The following LRP12 variants were observed in gnomAD, a reference collection of about 807,000 sequenced individuals.
LRP12 encodes LDL receptor related protein 12, also known as low-density lipoprotein receptor-related protein 12.
In LRP12, 14 loss-of-function variants were observed where a neutral mutation model predicts 66.0. The ratio of observed to expected loss-of-function variants is 0.21; its 90% CI spans 0.14 to 0.33. LRP12 has a LOEUF of 0.33. Among genes scored for constraint, LRP12 ranks in the 10% least tolerant of loss-of-function variants. LRP12 has a pLI of 1.00. For synonymous variants in LRP12, 357 were observed against 359.1 expected (o/e 0.99, Z 0.07); for missense variants, 889 against 1,053.4 (o/e 0.84, Z 2.16).
intron 6 of LRP12, 121 bp downstream of exon 6, chr8:104,494,956 C>T: frequency 1.3e-6 from 1 of 775,026 alleles, no homozygotes; most frequent in South Asian, 2.4e-5. Context: ...TCAAATCTTC[C>T]ATACATTTAA....
At position 104,527,733 on chromosome 8, in the gene LRP12, A is replaced by G. The variant is rs547934254; in HGVS notation, c.136+4174T>C. 2.0e-5 allele frequency among the ~76,000 whole-genome samples: 3 copies of G among 152,282 alleles called. No individual in the cohort carries two copies. In the East Asian group the frequency reaches 5.8e-4, roughly 29 times the overall value. On this transcript the variant is annotated intron_variant, in intron 2 of 6. Coordinates refer to ENST00000276654, the MANE Select transcript of LRP12 (RefSeq NM_013437.5). ...GCATTAGGAGATATATCTAATGCTAAATGACGAGTTAATGGGTGCAGCACA... is the reference window on the plus strand; with the variant it reads ...GCATTAGGAGATATATCTAATGCTAGATGACGAGTTAATGGGTGCAGCACA...
At position 104,513,675 on chromosome 8, in the gene LRP12, C is replaced by A. The variant is rs897067071; in HGVS notation, c.137-4601G>T. ...TACTACCCAGACTTTGTGGACATCA[C>A]CTCCTCTAATTCTCCTTCTAACTCT... is the stretch of plus-strand genomic sequence containing the variant. On this transcript the variant is annotated intron_variant, in intron 2 of 6. Transcript: ENST00000276654. Among the ~76,000 whole-genome samples, 3 of 152,226 alleles carry A rather than the reference C, an allele frequency of 2.0e-5. No homozygotes were observed. The South Asian group carries it at 6.2e-4, about 32-fold the overall frequency.
At chr8:104,526,392 G>T (rs1457366454) in intron 2 of LRP12, among the ~76,000 whole-genome samples, 2 of 151,160 alleles carry the variant, frequency 1.3e-5, no homozygotes, top group Non-Finnish European at 3.0e-5. Context: ...TAAGCCAAAA[G>T]AACAAAGCTG....
At chr8:104,554,677 A>G (rs762186489) in intron 1 of LRP12, among the ~76,000 whole-genome samples, 1 of 152,192 alleles carries the variant, frequency 6.6e-6, no homozygotes, top group Non-Finnish European at 1.5e-5. Flanking sequence ...GGAAGAATAG[A>G]AATCTGAAAG....
intron 1 of LRP12, among the ~76,000 whole-genome samples, chr8:104,543,474 T>C (rs1811509552): frequency 6.6e-6 from 1 of 152,222 alleles, no homozygotes; most frequent in Non-Finnish European, 1.5e-5. Flanking sequence ...GTGTGTGTTC[T>C]GATTGTTCCA....
chr8:104,547,939 G>C (rs1323631945), intron 1 of LRP12, among the ~76,000 whole-genome samples: 1 of 123,350 alleles, frequency 8.1e-6, no homozygotes, highest in Non-Finnish European at 1.6e-5. Flanking sequence ...ACAATTCAAT[G>C]TTATATTTTG....
intron 1 of LRP12, chr8:104,566,333 T>G (rs112662178): frequency 8.4e-6 from 2 of 238,940 alleles, no homozygotes; most frequent in Non-Finnish European, 1.6e-5. Context: ...ATTCCTCAGG[T>G]TGAAGATTAA....
At position 104,497,970 on chromosome 8, in the gene LRP12, A is replaced by T; in HGVS notation, c.582T>A (p.Ser194Arg). ...CTTTGGCACAGATCTCTTCATCGGA[A>T]CTATCTCCACATTCATCCATGTTAT... ...KCNNMDECGDSSDEEICAKEA... is the reference protein window; with the variant it reads ...KCNNMDECGDRSDEEICAKEA... The change falls in exon 5 of 7, where the codon AGT (serine) becomes AGA (arginine). Residue 194 changes from serine to arginine, a missense_variant. By Grantham distance (110) the Ser-to-Arg change is moderately radical (BLOSUM62 -1). This residue lies in a region of LRP12 where 800 missense variants were observed against 964.5 expected (regional missense o/e 0.83). Coordinates refer to ENST00000276654, the MANE Select transcript of LRP12 (RefSeq NM_013437.5). This position sits in a 1 kb window ranked among gnomAD's most constrained non-coding sequence, Gnocchi z 4.3. The T allele has an allele frequency of 6.2e-7, 1 of 1,614,176 alleles. No individual in the cohort carries two copies. Among genetic ancestry groups the T allele is most frequent in the Non-Finnish European group, 8.5e-7 (1 of 1,180,014 alleles).
In LRP12 at chr8:104,569,549, T is replaced by C. The variant is rs1588508529; in HGVS notation, c.79+19270A>G. On this transcript the variant is annotated intron_variant, in intron 1 of 6. Coordinates refer to ENST00000276654, the MANE Select transcript of LRP12 (RefSeq NM_013437.5). ...TATACTAACAGTCAAAAAAGAAAAA[T>C]CACATAATGACATGAGTAGATACAG... is the stretch of plus-strand genomic sequence containing the variant. Among the ~76,000 whole-genome samples the C allele has an allele frequency of 2.0e-5, 3 of 151,820 alleles. No individual in the cohort carries two copies. The South Asian group carries it at 6.2e-4, about 32-fold the overall frequency.
intron 1 of LRP12, among the ~76,000 whole-genome samples, chr8:104,537,622 A>G (rs1811409135): frequency 1.3e-5 from 2 of 152,178 alleles, no homozygotes. Flanking sequence ...GCAAAGCTTT[A>G]AAACAAGCTT....
chr8:104,517,975 G>A (rs1032758605), intron 2 of LRP12, among the ~76,000 whole-genome samples: 9 of 152,030 alleles, frequency 5.9e-5, no homozygotes, highest in Admixed American at 2.0e-4. Context: ...AACAACTAAA[G>A]GCACCCAAAC....
In LRP12 at chr8:104,490,688, A is replaced by C. The variant is rs1810605049; in HGVS notation, c.2565T>G (p.Ala855=). 1 of 1,611,600 alleles carries C rather than the reference A, an allele frequency of 6.2e-7. No individual in the cohort carries two copies. The highest frequency in any genetic ancestry group is 1.3e-5 in the African/African-American group (1 of 74,920). The stretch of plus-strand genomic sequence containing the variant: ...TGATTCGTACCTAACAAAGTAACAA[A>C]GCCTCATCATCACTCGTTTCGTTTT... The part of the protein sequence containing the change: ...TLKNETSDDE[A]LLLC Residue 855 remains alanine (A), a synonymous_variant, in exon 7 of 7, where the codon GCT becomes GCG. Transcript: ENST00000276654.
chr8:104,580,869 C>T (rs1451716291), intron 1 of LRP12, among the ~76,000 whole-genome samples: 2 of 152,180 alleles, frequency 1.3e-5, no homozygotes, highest in Admixed American at 6.5e-5. Flanking sequence ...TGGAAGACAA[C>T]GTGGCGACTC....
chr8:104,564,257 A>G (rs1811959799), intron 1 of LRP12, among the ~76,000 whole-genome samples: 1 of 152,204 alleles, frequency 6.6e-6, no homozygotes, highest in Non-Finnish European at 1.5e-5. Flanking sequence ...TCAAACCTGA[A>G]TATCAAATAA....
intron 1 of LRP12, among the ~76,000 whole-genome samples, chr8:104,559,389 A>G (rs141173818): frequency 1.3e-3 from 194 of 152,266 alleles, no homozygotes; most frequent in Middle Eastern, 0.01. Context: ...CTCATTCATA[A>G]ATGGGAGCTA....
chr8:104,557,130 C>T (rs1564144541), intron 1 of LRP12, among the ~76,000 whole-genome samples: 1 of 152,198 alleles, frequency 6.6e-6, no homozygotes, highest in Non-Finnish European at 1.5e-5. Flanking sequence ...TAAAAGCCAT[C>T]TATGACAAAC....
chr8:104,501,872 T>G (rs137966783), intron 3 of LRP12, among the ~76,000 whole-genome samples: 106 of 152,344 alleles, frequency 7.0e-4, no homozygotes, highest in African/African-American at 2.2e-3. Flanking sequence ...GCTTTGTGTT[T>G]AGTGCATTTG....
chr8:104,578,156 G>C (rs543173627), intron 1 of LRP12, among the ~76,000 whole-genome samples: 1 of 151,100 alleles, frequency 6.6e-6, no homozygotes, highest in African/African-American at 2.4e-5. Context: ...CCACTAGCTA[G>C]GCTAATAAAG....
intron 1 of LRP12, among the ~76,000 whole-genome samples, chr8:104,577,807 T>C (rs1445039137): frequency 4.9e-5 from 3 of 60,780 alleles, no homozygotes; most frequent in African/African-American, 8.0e-5. Flanking sequence ...CGAGACTCCA[T>C]CTCAAAAAAA....
Sources: allele counts gnomAD v4.1 joint callset (sites outside exome capture counted in the v4.1 genomes callset), GRCh38; gene constraint gnomAD v4.1.1; regional missense constraint gnomAD v4.1.1; non-coding constraint Gnocchi (gnomAD v3.1); transcripts MANE v1.5; gene names NCBI Gene and HGNC (gene_info 2026-07-23, HGNC 2026-07-21).